INPP5D: variants seen among roughly 807,000 people sequenced by gnomAD.
INPP5D encodes the protein phosphatidylinositol 3,4,5-trisphosphate 5-phosphatase 1.
A neutral mutation model predicts 122.9 loss-of-function variants in INPP5D; 33 were observed. That is an observed-to-expected ratio of 0.27 (90% confidence interval 0.20 to 0.36). INPP5D has a LOEUF of 0.36. INPP5D is among the 10% of genes least tolerant of loss of function. The pLI, the probability that INPP5D is intolerant of heterozygous loss-of-function variation, is 1.00. For synonymous variants in INPP5D, 584 were observed against 576.2 expected (o/e 1.01, Z -0.19); for missense variants, 1,053 against 1,412.7 (o/e 0.75, Z 4.08).
At chr2:233,198,413 C>A in intron 25 of INPP5D, 37 bp downstream of exon 25, 1 of 1,579,306 alleles carries the variant, frequency 6.3e-7, no homozygotes, top group Non-Finnish European at 8.6e-7. Context: ...TCCCTCCCTC[C>A]TTATGAAAGC....
In INPP5D at chr2:233,193,888, G is replaced by T. The variant is rs761121636; in HGVS notation, c.2523G>T (p.Gly841=). ...LPIYTPLTHH[G]ELTGHFQGEI... ...TCTACACGCCTCTCACCCACCATGGGGAGTTGACAGGCCACTTCCAGGGGG... is the reference window on the plus strand; with the variant it reads ...TCTACACGCCTCTCACCCACCATGGTGAGTTGACAGGCCACTTCCAGGGGG... The change falls in exon 23 of 27, where the codon GGG becomes GGT. Residue 841 remains glycine (G), a synonymous_variant. Transcript: ENST00000445964. 4 of 1,613,938 alleles carry T rather than the reference G, an allele frequency of 2.5e-6. No homozygotes were observed. The East Asian group carries it at 8.9e-5, about 36-fold the overall frequency.
intron 20 of INPP5D, among the ~76,000 whole-genome samples, chr2:233,185,626 A>G (rs573950189): frequency 6.6e-6 from 1 of 151,188 alleles, no homozygotes; most frequent in South Asian, 2.1e-4. Flanking sequence ...CCTAAAAATA[A>G]TTAGACCATG....
intron 9 of INPP5D, among the ~76,000 whole-genome samples, chr2:233,155,908 C>T (rs1694041072): frequency 6.6e-6 from 1 of 152,164 alleles, no homozygotes; most frequent in South Asian, 2.1e-4. Flanking sequence ...TAGATTACGC[C>T]CTGTGTCAGG....
chr2:233,138,724 ATTTATTTTAT>A (rs1297840577), intron 5 of INPP5D, among the ~76,000 whole-genome samples: 3 of 142,796 alleles, frequency 2.1e-5, no homozygotes, highest in Non-Finnish European at 3.1e-5. Flanking sequence ...AGCAGGTTTT[ATTTATTTTAT>A]TTTTATTTTT....
At chr2:233,121,969 C>T in intron 2 of INPP5D, 138 bp from the exon 3 acceptor site, 1 of 910,274 alleles carries the variant, frequency 1.1e-6, no homozygotes, top group East Asian at 2.5e-5. Flanking sequence ...GGTCACACAC[C>T]CTGCGTAGGA....
At chr2:233,102,049 A>G (rs1360730560) in intron 2 of INPP5D, among the ~76,000 whole-genome samples, 1 of 152,052 alleles carries the variant, frequency 6.6e-6, no homozygotes, top group Non-Finnish European at 1.5e-5. Context: ...TTAGTTCGTT[A>G]AACCACTTGG....
Position 233,122,077 on chromosome 2 carries a change from T to C in INPP5D, c.199-30T>C, listed in dbSNP as rs143304277. On this transcript the variant is annotated intron_variant, in intron 2 of 26. Transcript: ENST00000445964. ...TGGCTGACATTCTAGTTGGTTAACA[T>C]GTGCGTTTGTTTGGATGTTCTGTCC... 8.3e-3 allele frequency: 13,315 copies of C among 1,611,076 alleles called. 78 individuals carry two copies. The highest frequency in any genetic ancestry group is 0.012 in the Middle Eastern group (73 of 6,022).
At chr2:233,133,834 G>A (rs976550336) in intron 5 of INPP5D, 6 of 395,372 alleles carry the variant, frequency 1.5e-5, no homozygotes, top group African/African-American at 1.2e-4. Context: ...GTCCAAGTGA[G>A]ACAGGATGGC....
chr2:233,135,081 G>A (rs116810078), intron 5 of INPP5D, among the ~76,000 whole-genome samples: 6,026 of 123,374 alleles, frequency 0.049, 382 homozygotes, highest in African/African-American at 0.17. Context: ...GCCAATTAAT[G>A]TATACAATAA....
At chr2:233,070,305 T>C (rs983202452) in intron 1 of INPP5D, among the ~76,000 whole-genome samples, 2 of 152,200 alleles carry the variant, frequency 1.3e-5, no homozygotes, top group African/African-American at 4.8e-5. Context: ...CTCTCAGTCT[T>C]TTCCTTTTTT....
chr2:233,207,771 T>C lies in INPP5D; in HGVS notation c.*1063T>C, dbSNP rs529811228. 1 of 152,496 alleles carries C rather than the reference T, an allele frequency of 6.6e-6. No individual in the cohort carries two copies. 9.4% of individuals were successfully genotyped at this position (152,496 alleles called of 1,614,324 possible). On this transcript the variant is annotated 3_prime_UTR_variant, in exon 27 of 27. Transcript: ENST00000445964. The surrounding 1 kb of genome is among the most constrained non-coding windows in gnomAD (Gnocchi z 4.6). ...AATAGATGGGTGATGTCTTTCCTTA[T>C]GTTGCTTTTTCAACATAGCAGAATT...
intron 3 of INPP5D, among the ~76,000 whole-genome samples, chr2:233,122,559 T>A (rs1471087184): frequency 6.6e-6 from 1 of 152,174 alleles, no homozygotes; most frequent in African/African-American, 2.4e-5. Context: ...CCCCAGAACT[T>A]TGGGAGGCCG....
chr2:233,062,902 G>A (rs1691112590), intron 1 of INPP5D, among the ~76,000 whole-genome samples: 1 of 151,818 alleles, frequency 6.6e-6, no homozygotes, highest in Non-Finnish European at 1.5e-5. Flanking sequence ...CTAATTAAAT[G>A]AATGATAACA....
intron 2 of INPP5D, among the ~76,000 whole-genome samples, chr2:233,121,450 T>TA (rs1386182962): frequency 2.0e-5 from 3 of 151,976 alleles, no homozygotes; most frequent in South Asian, 2.1e-4. Flanking sequence ...ATTTCTTATT[T>TA]AAAAAAATCC....
rs1695154838 is a variant in INPP5D at position 233,195,420 on chromosome 2, A to T, written c.2618A>T (p.Asp873Val). 1 of 1,612,014 alleles carries T rather than the reference A, an allele frequency of 6.2e-7. No individual in the cohort carries two copies. Residue 873 changes from aspartate (D) to valine (V), a missense_variant, in exon 24 of 27, where the codon GAT becomes GTT. Physicochemically the swap from Asp to Val is radical, Grantham distance 152 (BLOSUM62 -3). Coordinates refer to ENST00000445964, the MANE Select transcript of INPP5D (RefSeq NM_001017915.3). ...CCAGACTTTGTGAAGACGGAGCGTG[A>T]TGAATCCAGTGGGCCAAAGACCCTG... is the stretch of plus-strand genomic sequence containing the variant. ...KLYDFVKTER[D>V]ESSGPKTLKS...
chr2:233,169,921 C>T, intron 14 of INPP5D, 105 bp from the exon 15 acceptor site: 1 of 1,571,530 alleles, frequency 6.4e-7, no homozygotes, highest in Non-Finnish European at 8.7e-7. Context: ...CTTCCCCCCA[C>T]CTGCTATGCT....
In INPP5D at chr2:233,164,444, T is replaced by C; in HGVS notation, c.1555+20T>C. Reference sequence around the variant, plus strand: ...CACTGGGTGAGCAGGGCGGGGACCCTGTGTTCCTCCCACACCCTCTGCCTC... The same window carrying C: ...CACTGGGTGAGCAGGGCGGGGACCCCGTGTTCCTCCCACACCCTCTGCCTC... On this transcript the variant is annotated intron_variant, in intron 13 of 26. Transcript: ENST00000445964. This position sits in a 1 kb window ranked among gnomAD's most constrained non-coding sequence, Gnocchi z 4.3. 1.3e-6 allele frequency: 2 copies of C among 1,532,982 alleles called. No individual in the cohort carries two copies. Among genetic ancestry groups the C allele is most frequent in the Non-Finnish European group, 1.8e-6 (2 of 1,134,578 alleles). The allele number at this position is 1,532,982 out of a possible 1,614,324, so 95.0% of individuals were successfully genotyped here.
Position 233,204,614 on chromosome 2 carries a change from A to G in INPP5D, c.3464A>G (p.His1155Arg). 6.3e-7 allele frequency: 1 copy of G among 1,574,924 alleles called. No homozygotes were observed. The highest frequency in any genetic ancestry group is 8.6e-7 in the Non-Finnish European group (1 of 1,162,192). Residue 1155 changes from histidine to arginine, a missense_variant, in exon 26 of 27, where the codon CAC becomes CGC. Physicochemically the swap from His to Arg is conservative, Grantham distance 29. This residue lies in a region of INPP5D where 417 missense variants were observed against 425.8 expected (regional missense o/e 0.98). Coordinates refer to ENST00000445964, the MANE Select transcript of INPP5D (RefSeq NM_001017915.3). The part of the protein sequence containing the change: ...VKSPAVLHLQ[H>R]SKGRDYRDNT... ...AGCCCGGCGGTGCTGCACCTCCAGC[A>G]CTCCAAGGGCCGCGACTACCGCGAC...
chr2:233,167,096 G>A (rs1463939738), intron 13 of INPP5D, among the ~76,000 whole-genome samples: 1 of 151,652 alleles, frequency 6.6e-6, no homozygotes, highest in Non-Finnish European at 1.5e-5. Context: ...ACCCTGCTAG[G>A]CACGATGGCT....
Sources: allele counts gnomAD v4.1 joint callset (sites outside exome capture counted in the v4.1 genomes callset), GRCh38; gene constraint gnomAD v4.1.1; regional missense constraint gnomAD v4.1.1; non-coding constraint Gnocchi (gnomAD v3.1); transcripts MANE v1.5; gene names NCBI Gene and HGNC (gene_info 2026-07-23, HGNC 2026-07-21).